TSPAN16: variants seen among roughly 807,000 people sequenced by gnomAD.
TSPAN16 encodes the protein tetraspanin-16.
Under a neutral mutation model 25.2 loss-of-function variants are expected in TSPAN16, and 23 were observed. The ratio of observed to expected loss-of-function variants is 0.91; its 90% CI spans 0.66 to 1.29. TSPAN16 has a LOEUF of 1.29. TSPAN16 is among the 50% of genes most tolerant of loss of function. The pLI, the probability that TSPAN16 is intolerant of heterozygous loss-of-function variation, is 0.00. For missense variants in TSPAN16, 272 were observed against 299.9 expected (o/e 0.91, Z 0.69); for synonymous variants, 123 against 124.4 (o/e 0.99, Z 0.08).
intron 4 of TSPAN16, among the ~76,000 whole-genome samples, chr19:11,304,759 C>T (rs563624722): frequency 6.6e-6 from 1 of 151,878 alleles, no homozygotes; most frequent in Non-Finnish European, 1.5e-5. Context: ...CTCCTGACCT[C>T]GTGATCTGTC....
intron 5 of TSPAN16, among the ~76,000 whole-genome samples, chr19:11,308,340 C>G (rs2147948251): frequency 6.6e-6 from 1 of 152,288 alleles, no homozygotes; most frequent in Non-Finnish European, 1.5e-5. Flanking sequence ...GCTCTATCAC[C>G]CAGACTGGAG....
At chr19:11,320,890 C>G (rs396115), downstream of TSPAN16, among the ~76,000 whole-genome samples, 40,737 of 151,576 alleles carry the variant, frequency 0.27, 8,175 homozygotes, top group African/African-American at 0.55. Flanking sequence ...AAGAGGTTTG[C>G]CCGTGTACGG....
At chr19:11,319,872 T>C (rs2080767302), downstream of TSPAN16, among the ~76,000 whole-genome samples, 1 of 152,060 alleles carries the variant, frequency 6.6e-6, no homozygotes, top group African/African-American at 2.4e-5. Context: ...TGGAATGCAG[T>C]GACGCGATCT....
chr19:11,299,007 CA>C, intron 3 of TSPAN16, 61 bp downstream of exon 3: 1 of 1,544,592 alleles, frequency 6.5e-7, no homozygotes, highest in South Asian at 1.1e-5. Flanking sequence ...AGGACGGGCA[CA>C]GTGGCTCACG....
chr19:11,298,927 T>TC lies in TSPAN16; in HGVS notation c.325dup (p.Leu109ProfsTer50), dbSNP rs774113727. On this transcript the variant is annotated frameshift_variant, in exon 3 of 7. Transcript: ENST00000590327. LOFTEE classifies it high-confidence loss of function. ...ATGGAAGTTACAGCTGCCACAGTGG[T>TC]CCTTCTTTTCTTTCCAATTGTAAGT... 82 of 1,613,938 alleles carry TC rather than the reference T, an allele frequency of 5.1e-5. No homozygotes were observed. The highest frequency in any genetic ancestry group is 6.2e-5 in the Non-Finnish European group (73 of 1,179,978).
intron 5 of TSPAN16, among the ~76,000 whole-genome samples, chr19:11,307,706 G>A (rs1254514315): frequency 1.3e-5 from 2 of 152,166 alleles, no homozygotes; most frequent in Non-Finnish European, 2.9e-5. Context: ...GGGATTACAG[G>A]CATGAACCAC....
At chr19:11,320,344 A>G (rs1387194345), downstream of TSPAN16, among the ~76,000 whole-genome samples, 4 of 148,440 alleles carry the variant, frequency 2.7e-5, no homozygotes, top group Non-Finnish European at 4.5e-5. Flanking sequence ...CTGATCTCAA[A>G]CTCCTGACCT....
chr19:11,316,182 G>T (rs923997004), downstream of TSPAN16, among the ~76,000 whole-genome samples: 12 of 148,608 alleles, frequency 8.1e-5, no homozygotes, highest in Non-Finnish European at 1.6e-4. Flanking sequence ...GCAATGGCAC[G>T]ATCTCAGCTC....
chr19:11,303,022 C>G (rs1316427156), intron 4 of TSPAN16, among the ~76,000 whole-genome samples: 2 of 150,664 alleles, frequency 1.3e-5, no homozygotes, highest in East Asian at 3.9e-4. Context: ...AGTGAGGAGC[C>G]CCTCTGCCCC....
chr19:11,306,539 C>G, intron 4 of TSPAN16, 65 bp from the exon 5 acceptor site: 1 of 1,592,080 alleles, frequency 6.3e-7, no homozygotes, highest in Non-Finnish European at 8.6e-7. Context: ...GCCATGGTAA[C>G]CGTGATTTCT....
At chr19:11,300,623 C>T (rs142103151) in intron 3 of TSPAN16, among the ~76,000 whole-genome samples, 1 of 152,102 alleles carries the variant, frequency 6.6e-6, no homozygotes, top group African/African-American at 2.4e-5. Flanking sequence ...CTTTGACACA[C>T]ATAGAAGAAC....
At chr19:11,303,518 A>G (rs369571472) in intron 4 of TSPAN16, among the ~76,000 whole-genome samples, 2 of 135,754 alleles carry the variant, frequency 1.5e-5, no homozygotes, top group Admixed American at 7.6e-5. Context: ...ACCCTGCCAA[A>G]TCCCCCTCTG....
At chr19:11,312,413 T>A (rs2080703106) in intron 6 of TSPAN16, 191 bp downstream of exon 6, 1 of 400,052 alleles carries the variant, frequency 2.5e-6, no homozygotes, top group African/African-American at 2.1e-5. Flanking sequence ...AGTGAAAATA[T>A]GAAAATAAAT....
At chr19:11,326,364 G>C (rs1052045789) in intron 6 of TSPAN16, among the ~76,000 whole-genome samples, 1 of 152,146 alleles carries the variant, frequency 6.6e-6, no homozygotes, top group Non-Finnish European at 1.5e-5. Context: ...CTGGGTGATG[G>C]AGCAAGACCC....
At chr19:11,306,485 T>G in intron 4 of TSPAN16, 119 bp from the exon 5 acceptor site, 1 of 1,221,642 alleles carries the variant, frequency 8.2e-7, no homozygotes, top group African/African-American at 1.5e-5. Flanking sequence ...TGTAAGAGGA[T>G]GTTTAGCACA....
intron 5 of TSPAN16, among the ~76,000 whole-genome samples, chr19:11,310,252 G>A (rs765596014): frequency 2.0e-5 from 3 of 152,124 alleles, no homozygotes; most frequent in East Asian, 1.9e-4. Flanking sequence ...AAGGCCGGGT[G>A]TGGTGGCTCA....
intron 6 of TSPAN16, 42 bp from the exon 7 acceptor site, chr19:11,315,749 T>C: frequency 8.2e-7 from 1 of 1,224,390 alleles, no homozygotes; most frequent in East Asian, 3.2e-5. Context: ...GGTTTGGAGG[T>C]CTCTAGCATT....
At chr19:11,318,196 T>C (rs891957261), downstream of TSPAN16, among the ~76,000 whole-genome samples, 1 of 151,778 alleles carries the variant, frequency 6.6e-6, no homozygotes, top group East Asian at 1.9e-4. Flanking sequence ...CCGGCTAATT[T>C]TTTGTATTTT....
At chr19:11,303,705 C>G (rs748462240) in intron 4 of TSPAN16, among the ~76,000 whole-genome samples, 19 of 150,624 alleles carry the variant, frequency 1.3e-4, no homozygotes, top group Admixed American at 1.3e-3. Context: ...GACTCCTTTC[C>G]ACAGTGGCTG....
Sources: gnomAD v4.1 joint callset for allele counts (sites outside exome capture counted in the v4.1 genomes callset) on GRCh38, gnomAD v4.1.1 for gene constraint, MANE v1.5 for transcripts, NCBI Gene and HGNC (gene_info 2026-07-23, HGNC 2026-07-21) for gene names.